Variants in NTRK3 observed in about 807,000 individuals in gnomAD.
NTRK3 encodes NT-3 growth factor receptor.
Under a neutral mutation model 91.7 loss-of-function variants are expected in NTRK3, and 24 were observed. The observed-to-expected ratio is 0.26, with a 90% CI of 0.19 to 0.37. The LOEUF (loss-of-function observed/expected upper bound fraction) is 0.37. NTRK3 is among the 10% of genes least tolerant of loss of function. The pLI, the probability that NTRK3 is intolerant of heterozygous loss-of-function variation, is 1.00. For synonymous variants in NTRK3, 483 were observed against 404.0 expected, an observed-to-expected ratio of 1.20 and a Z score of -2.34; for missense variants, 880 against 1,068.9, an observed-to-expected ratio of 0.82 and a Z score of 2.46.
intron 14 of NTRK3, among the ~76,000 whole-genome samples, chr15:87,998,073 G>T (rs993240399): frequency 2.0e-5 from 3 of 152,202 alleles, no homozygotes; most frequent in Non-Finnish European, 2.9e-5. Flanking sequence ...TTGGGGGGCT[G>T]TCCTGAGCAT....
chr15:87,886,697 T>TATACATAC lies in NTRK3; in HGVS notation c.2134-6270_2134-6269insGTATGTAT, dbSNP rs1555429907. ...TTTGCTATATATATATATATATATA[T>TATACATAC]ATACATATATACACACACACACATA... On this transcript the variant is annotated intron_variant, in intron 17 of 18. Transcript: ENST00000394480. Among the ~76,000 whole-genome samples the TATACATAC allele has an allele frequency of 7.9e-4, 107 of 135,878 alleles. 5 individuals carry two copies. Among genetic ancestry groups the TATACATAC allele is most frequent in the African/African-American group, 2.9e-3 (102 of 34,696 alleles). The allele number at this position is 135,878 out of a possible 152,430, so 89.1% of individuals were successfully genotyped here.
intron 17 of NTRK3, among the ~76,000 whole-genome samples, chr15:87,897,646 C>T (rs527637545): frequency 6.6e-6 from 1 of 152,206 alleles, no homozygotes; most frequent in East Asian, 1.9e-4. Flanking sequence ...TGGTAGAATA[C>T]ATCCTTTTAA....
chr15:88,018,438 A>G (rs938424947), intron 14 of NTRK3, among the ~76,000 whole-genome samples: 3 of 152,184 alleles, frequency 2.0e-5, no homozygotes, highest in Non-Finnish European at 4.4e-5. Flanking sequence ...GCATGCTCCT[A>G]AACTCTAGAG....
intron 14 of NTRK3, among the ~76,000 whole-genome samples, chr15:88,031,703 T>C (rs1205794238): frequency 2.6e-5 from 4 of 152,114 alleles, no homozygotes; most frequent in Admixed American, 1.3e-4. Context: ...AATGCTCTCC[T>C]AAAACTCAGA....
chr15:87,873,704 CATAA>C (rs935945119), exon 19 of NTRK3: 11 of 231,540 alleles, frequency 4.8e-5, no homozygotes, highest in East Asian at 6.1e-5. Flanking sequence ...TTAGGCTCTT[CATAA>C]ATAAATAAAT....
At chr15:88,228,471 C>G (rs1374739011) in intron 3 of NTRK3, among the ~76,000 whole-genome samples, 1 of 152,174 alleles carries the variant, frequency 6.6e-6, no homozygotes, top group Non-Finnish European at 1.5e-5. Context: ...AAGGATCTGT[C>G]TACACCTGCA....
intron 14 of NTRK3, among the ~76,000 whole-genome samples, chr15:87,964,998 AAT>A (rs1421512450): frequency 8.5e-5 from 13 of 152,356 alleles, no homozygotes; most frequent in Admixed American, 2.0e-4. Flanking sequence ...CCATGTGGTG[AAT>A]ATATCACTTC....
chr15:88,210,759 T>C (rs1192078381), intron 3 of NTRK3, among the ~76,000 whole-genome samples: 2 of 152,234 alleles, frequency 1.3e-5, no homozygotes, highest in East Asian at 1.9e-4. Flanking sequence ...AAATGGATCA[T>C]GAAAACTCGT....
intron 6 of NTRK3, among the ~76,000 whole-genome samples, chr15:88,145,118 T>C (rs1250781712): frequency 6.6e-6 from 1 of 152,122 alleles, no homozygotes; most frequent in Non-Finnish European, 1.5e-5. Context: ...CCTGGCAGTC[T>C]AGATGGCTCA....
intron 17 of NTRK3, among the ~76,000 whole-genome samples, chr15:87,919,299 A>T (rs536771480): frequency 6.6e-6 from 1 of 152,260 alleles, no homozygotes; most frequent in Non-Finnish European, 1.5e-5. Flanking sequence ...CCAAAAACAA[A>T]AATGGGAGGG....
At chr15:88,090,219 T>C (rs1417129591) in intron 13 of NTRK3, among the ~76,000 whole-genome samples, 1 of 152,214 alleles carries the variant, frequency 6.6e-6, no homozygotes, top group African/African-American at 2.4e-5. Flanking sequence ...CCTGCCATGT[T>C]ATAGGTTCAT....
intron 6 of NTRK3, among the ~76,000 whole-genome samples, chr15:88,141,264 A>G (rs75840678): frequency 6.6e-6 from 1 of 152,200 alleles, no homozygotes; most frequent in Admixed American, 6.5e-5. Flanking sequence ...TGAGACGAAC[A>G]TAATAGACAT....
intron 14 of NTRK3, among the ~76,000 whole-genome samples, chr15:87,970,854 G>A (rs145645296): frequency 6.6e-6 from 1 of 152,286 alleles, no homozygotes; most frequent in East Asian, 1.9e-4. Context: ...CAAATTAAGG[G>A]AGAACCATAT....
At chr15:88,119,957 T>C (rs1434673816) in intron 13 of NTRK3, among the ~76,000 whole-genome samples, 1 of 152,180 alleles carries the variant, frequency 6.6e-6, no homozygotes, top group East Asian at 1.9e-4. Flanking sequence ...CCAATTCCCC[T>C]GCTCTGCACA....
chr15:88,050,287 C>T (rs2080696829), intron 13 of NTRK3, among the ~76,000 whole-genome samples: 1 of 152,142 alleles, frequency 6.6e-6, no homozygotes, highest in African/African-American at 2.4e-5. Flanking sequence ...CAAGATGCTT[C>T]TCAAAATCAC....
At chr15:88,211,166 TG>T (rs1441393654) in intron 3 of NTRK3, among the ~76,000 whole-genome samples, 7 of 152,356 alleles carry the variant, frequency 4.6e-5, no homozygotes, top group Non-Finnish European at 8.8e-5. Context: ...CTGTATCTAT[TG>T]AGCAGTCACA....
rs34147113 is a variant in NTRK3, at chr15:87,889,945, C to CATTTATTTATTT, written c.2134-9529_2134-9518dup. Among the ~76,000 whole-genome samples the CATTTATTTATTT allele has an allele frequency of 5.8e-3, 802 of 139,242 alleles. 4 individuals carry two copies. The highest frequency in any genetic ancestry group is 9.0e-3 in the African/African-American group (333 of 37,030). 91.3% of individuals were successfully genotyped at this position (139,242 alleles called of 152,430 possible). ...TCCCCTACCTTCTGCCCCAACTTTC[C>CATTTATTTATTT]ATTTATTTATTTATTTATTTATTTA... On this transcript the variant is annotated intron_variant, in intron 17 of 18. Transcript: ENST00000394480.
At chr15:88,066,102 A>ATAAC (rs2046628306) in intron 13 of NTRK3, among the ~76,000 whole-genome samples, 1 of 152,234 alleles carries the variant, frequency 6.6e-6, no homozygotes, top group South Asian at 2.1e-4. Context: ...CTATGGAGAG[A>ATAAC]TAACTGTAGC....
At chr15:88,242,796 G>A (rs564486998) in intron 3 of NTRK3, among the ~76,000 whole-genome samples, 10 of 152,328 alleles carry the variant, frequency 6.6e-5, no homozygotes, top group South Asian at 6.2e-4. Context: ...AAACAGCAAG[G>A]CAGGCGGCCA....
Sources: gnomAD v4.1 joint callset for allele counts (sites outside exome capture counted in the v4.1 genomes callset) on GRCh38, gnomAD v4.1.1 for gene constraint, MANE v1.5 for transcripts, NCBI Gene and HGNC (gene_info 2026-07-23, HGNC 2026-07-21) for gene names.